Variants in RABGAP1L observed in about 807,000 individuals in gnomAD.
RABGAP1L encodes RAB GTPase activating protein 1 like.
Under a neutral mutation model 137.7 loss-of-function variants are expected in RABGAP1L, and 63 were observed. The ratio of observed to expected loss-of-function variants is 0.46; its 90% CI spans 0.37 to 0.56. The LOEUF (loss-of-function observed/expected upper bound fraction) is 0.56. Ranked by LOEUF, RABGAP1L falls within the 20% of genes least tolerant of loss-of-function variation. The probability of loss-of-function intolerance (pLI) is 0.00; values close to 1 mark genes in which losing one functional copy is unlikely to be tolerated. For synonymous variants in RABGAP1L, 431 were observed against 433.7 expected, an observed-to-expected ratio of 0.99 and a Z score of 0.08; for missense variants, 1,095 against 1,244.0, an observed-to-expected ratio of 0.88 and a Z score of 1.80.
At chr1:174,264,135 A>G (rs1258504466) in intron 7 of RABGAP1L, among the ~76,000 whole-genome samples, 1 of 151,836 alleles carries the variant, frequency 6.6e-6, no homozygotes, top group Non-Finnish European at 1.5e-5. Flanking sequence ...GAAATTTTGT[A>G]TTTGTGCTTT....
At chr1:174,477,540 C>A (rs1360949301) in intron 13 of RABGAP1L, among the ~76,000 whole-genome samples, 3 of 152,146 alleles carry the variant, frequency 2.0e-5, no homozygotes, top group Non-Finnish European at 4.4e-5. Flanking sequence ...ACATAATTTT[C>A]TGGTATTTGC....
intron 19 of RABGAP1L, among the ~76,000 whole-genome samples, chr1:174,824,145 C>A (rs1163959178): frequency 2.0e-5 from 3 of 152,092 alleles, no homozygotes; most frequent in Non-Finnish European, 4.4e-5. Context: ...CAAAACTTAG[C>A]CAGGTGTGGT....
At chr1:174,266,265 CAAT>C (rs1377299428) in intron 7 of RABGAP1L, among the ~76,000 whole-genome samples, 3 of 152,138 alleles carry the variant, frequency 2.0e-5, no homozygotes, top group Non-Finnish European at 2.9e-5. Context: ...AAAGTGTTCA[CAAT>C]AATGCTTAAT....
chr1:174,232,778 A>AG (rs1426557871), intron 4 of RABGAP1L, among the ~76,000 whole-genome samples: 2 of 151,802 alleles, frequency 1.3e-5, no homozygotes, highest in African/African-American at 2.4e-5. Flanking sequence ...AAAAAAAATA[A>AG]GTCAGATAAT....
At chr1:174,560,058 C>G (rs758608403) in intron 13 of RABGAP1L, among the ~76,000 whole-genome samples, 1 of 151,366 alleles carries the variant, frequency 6.6e-6, no homozygotes, top group African/African-American at 2.4e-5. Flanking sequence ...TGCTTCAGCC[C>G]GGGAGGCAGA....
intron 13 of RABGAP1L, among the ~76,000 whole-genome samples, chr1:174,606,458 C>A (rs1253114539): frequency 6.6e-6 from 1 of 152,108 alleles, no homozygotes; most frequent in Non-Finnish European, 1.5e-5. Flanking sequence ...TTTCATTATG[C>A]CAATTTTAAA....
chr1:174,742,104 AGAGGAG>A (rs1683473967), intron 17 of RABGAP1L, among the ~76,000 whole-genome samples: 2 of 89,752 alleles, frequency 2.2e-5, no homozygotes, highest in Non-Finnish European at 4.2e-5. Flanking sequence ...AAGAAGAAGA[AGAGGAG>A]GAGGGGGAGG....
At chr1:174,369,525 C>T (rs1046130453) in intron 11 of RABGAP1L, among the ~76,000 whole-genome samples, 2 of 152,080 alleles carry the variant, frequency 1.3e-5, no homozygotes, top group East Asian at 3.9e-4. Flanking sequence ...TAAAAAGTGC[C>T]TCAGTTTAAA....
At chr1:174,363,576 G>A (rs1024015915) in intron 11 of RABGAP1L, among the ~76,000 whole-genome samples, 29 of 152,042 alleles carry the variant, frequency 1.9e-4, no homozygotes, top group African/African-American at 6.8e-4. Context: ...AGAACTTTCA[G>A]TACTTTGTTG....
chr1:174,232,243 C>A (rs2148510420), intron 4 of RABGAP1L, among the ~76,000 whole-genome samples: 2 of 152,268 alleles, frequency 1.3e-5, no homozygotes, highest in South Asian at 4.1e-4. Flanking sequence ...TGTGGTGGCT[C>A]ACACCTGCAA....
intron 18 of RABGAP1L, among the ~76,000 whole-genome samples, chr1:174,784,946 T>C (rs184353669): frequency 3.3e-4 from 50 of 152,348 alleles, no homozygotes; most frequent in African/African-American, 9.4e-4. Context: ...ATATTTTAAA[T>C]AGGACCCATT....
chr1:174,299,239 G>A (rs1337167945), intron 10 of RABGAP1L, among the ~76,000 whole-genome samples: 3 of 152,202 alleles, frequency 2.0e-5, no homozygotes, highest in Non-Finnish European at 2.9e-5. Context: ...CTAATCATGG[G>A]TTTGTATCCT....
intron 17 of RABGAP1L, among the ~76,000 whole-genome samples, chr1:174,746,418 C>T (rs952225654): frequency 6.6e-6 from 1 of 152,192 alleles, no homozygotes; most frequent in African/African-American, 2.4e-5. Flanking sequence ...CCCTTTCTTC[C>T]CACAGCAAGT....
chr1:174,168,634 T>G (rs967353811), intron 1 of RABGAP1L, among the ~76,000 whole-genome samples: 1 of 152,228 alleles, frequency 6.6e-6, no homozygotes, highest in Non-Finnish European at 1.5e-5. Context: ...AGTTAATGTC[T>G]TCTTCTCTCC....
intron 13 of RABGAP1L, chr1:174,548,036 A>T: frequency 6.4e-7 from 1 of 1,550,600 alleles, no homozygotes; most frequent in South Asian, 1.2e-5. Flanking sequence ...CAACTTATTA[A>T]GAGGCTTAAT....
At chr1:174,975,080 T>C (rs1263713040) in intron 21 of RABGAP1L, among the ~76,000 whole-genome samples, 1 of 152,278 alleles carries the variant, frequency 6.6e-6, no homozygotes, top group Non-Finnish European at 1.5e-5. Flanking sequence ...AGTCTGCATC[T>C]GCAATGATTT....
At chr1:174,899,827 C>G (rs1657853234) in intron 19 of RABGAP1L, among the ~76,000 whole-genome samples, 1 of 151,768 alleles carries the variant, frequency 6.6e-6, no homozygotes, top group African/African-American at 2.4e-5. Context: ...CAATCATAAT[C>G]ATGGATGTCA....
At chr1:174,478,081 C>G (rs1436378799) in intron 13 of RABGAP1L, among the ~76,000 whole-genome samples, 8 of 151,636 alleles carry the variant, frequency 5.3e-5, no homozygotes, top group Non-Finnish European at 4.4e-5. Context: ...CATATTTTGT[C>G]AAAGAATAAT....
At position 174,590,350 on chromosome 1, in the gene RABGAP1L, TTA is replaced by T. The variant is rs201210801; in HGVS notation, c.1711-47023_1711-47022del. 5.1e-3 allele frequency among the ~76,000 whole-genome samples: 687 copies of T among 134,288 alleles called. 4 individuals are homozygous for T. The highest frequency in any genetic ancestry group is 7.0e-3 in the Non-Finnish European group (429 of 60,938). The allele number at this position is 134,288 out of a possible 152,430, so 88.1% of individuals were successfully genotyped here. ...TGTTTTTTTTTCTTTTTTTTTTTAT[TTA>T]TTTTTTTTTTATTATACTCTAAGTT... On this transcript the variant is annotated intron_variant, in intron 13 of 25. Transcript: ENST00000681986.
Sources: gnomAD v4.1 joint callset for allele counts (sites outside exome capture counted in the v4.1 genomes callset) on GRCh38, gnomAD v4.1.1 for gene constraint, MANE v1.5 for transcripts, NCBI Gene and HGNC (gene_info 2026-07-23, HGNC 2026-07-21) for gene names.